ACBD6: variants seen among roughly 807,000 people sequenced by gnomAD.
ACBD6 encodes acyl-CoA-binding domain-containing protein 6.
ACBD6 carries 28 observed loss-of-function variants against 37.2 expected under a neutral mutation model. The ratio of observed to expected loss-of-function variants is 0.75; its 90% CI spans 0.56 to 1.03. The LOEUF (loss-of-function observed/expected upper bound fraction) is 1.03. Ranked by LOEUF, ACBD6 falls within the 50% of genes least tolerant of loss-of-function variation. ACBD6 has a pLI of 0.00. For missense variants in ACBD6, 340 were observed against 337.4 expected (o/e 1.01, Z -0.06); for synonymous variants, 113 against 126.8 (o/e 0.89, Z 0.73).
At chr1:180,486,187 A>G (rs1234653970) in intron 3 of ACBD6, among the ~76,000 whole-genome samples, 2 of 152,140 alleles carry the variant, frequency 1.3e-5, no homozygotes, top group Non-Finnish European at 1.5e-5. Flanking sequence ...CCTGACAACA[A>G]TCAGGCTTGC....
intron 5 of ACBD6, among the ~76,000 whole-genome samples, chr1:180,400,933 A>G (rs1042236625): frequency 1.3e-5 from 2 of 152,214 alleles, no homozygotes; most frequent in African/African-American, 4.8e-5. Context: ...CTAAGACTTT[A>G]TCTAAATTTA....
intron 3 of ACBD6, among the ~76,000 whole-genome samples, chr1:180,463,527 G>A (rs919777189): frequency 1.3e-5 from 2 of 151,948 alleles, no homozygotes; most frequent in East Asian, 1.9e-4. Context: ...TCCCTAAAAA[G>A]ACGAATAACG....
chr1:180,433,719 G>C (rs950351194), intron 3 of ACBD6, among the ~76,000 whole-genome samples: 1 of 151,942 alleles, frequency 6.6e-6, no homozygotes, highest in Non-Finnish European at 1.5e-5. Flanking sequence ...ACAGTCTTTC[G>C]TTACATAATT....
intron 6 of ACBD6, among the ~76,000 whole-genome samples, chr1:180,382,524 T>C (rs1003851199): frequency 1.3e-5 from 2 of 152,090 alleles, no homozygotes; most frequent in Non-Finnish European, 2.9e-5. Context: ...AAAACCTGAA[T>C]AGACCAACAG....
chr1:180,453,212 T>C (rs1376600066), intron 3 of ACBD6, among the ~76,000 whole-genome samples: 1 of 152,192 alleles, frequency 6.6e-6, no homozygotes, highest in Non-Finnish European at 1.5e-5. Context: ...AAAAAGCTTA[T>C]CCACCACGAT....
rs1310092881 is a variant in ACBD6 at position 180,502,386 on chromosome 1, A to C, written c.-120T>G. ...CGAGCCTGAGCTCCAGTCGGACCCA[A>C]GCTCAGTCGCGGCGCGCTCCCTCAC... On this transcript the variant is annotated 5_prime_UTR_variant, in exon 1 of 8. Coordinates refer to ENST00000367595, the MANE Select transcript of ACBD6 (RefSeq NM_032360.4). The C allele has an allele frequency of 4.4e-6, 5 of 1,137,436 alleles. No individual in the cohort carries two copies. The highest frequency in any genetic ancestry group is 5.1e-5 in the East Asian group (2 of 39,304). The allele number at this position is 1,137,436 out of a possible 1,614,324, so 70.5% of individuals were successfully genotyped here.
intron 3 of ACBD6, among the ~76,000 whole-genome samples, chr1:180,485,582 G>A (rs1456012717): frequency 2.0e-5 from 3 of 152,192 alleles, no homozygotes; most frequent in African/African-American, 2.4e-5. Context: ...GCTGGAAGAG[G>A]CAAGAAATGA....
chr1:180,383,577 T>G (rs1217978913), intron 6 of ACBD6, among the ~76,000 whole-genome samples: 1 of 152,162 alleles, frequency 6.6e-6, no homozygotes, highest in Non-Finnish European at 1.5e-5. Flanking sequence ...AAGAATACTG[T>G]TTAAATGACC....
chr1:180,335,251 C>T (rs962036727), intron 6 of ACBD6, among the ~76,000 whole-genome samples: 15 of 152,076 alleles, frequency 9.9e-5, no homozygotes, highest in African/African-American at 2.2e-4. Context: ...ATGTTAAGGG[C>T]GGCCAGAGAG....
At chr1:180,435,674 T>C (rs1649005939) in intron 3 of ACBD6, 1 of 921,058 alleles carries the variant, frequency 1.1e-6, no homozygotes, top group Non-Finnish European at 1.8e-6. Flanking sequence ...CAGCTCCATT[T>C]ACCAGAAGGT....
chr1:180,385,899 A>ATGGC (rs1284243302), intron 6 of ACBD6, among the ~76,000 whole-genome samples: 1 of 152,148 alleles, frequency 6.6e-6, no homozygotes, highest in East Asian at 1.9e-4. Context: ...GCTGGGCGCA[A>ATGGC]TGGCTCACAC....
intron 6 of ACBD6, among the ~76,000 whole-genome samples, chr1:180,387,223 T>C (rs954342753): frequency 1.3e-5 from 2 of 152,192 alleles, no homozygotes; most frequent in Non-Finnish European, 2.9e-5. Flanking sequence ...ATGTTAATTT[T>C]GGTCAGTATA....
intron 3 of ACBD6, among the ~76,000 whole-genome samples, chr1:180,481,245 AT>A (rs55810683): frequency 1.2e-3 from 183 of 147,362 alleles, no homozygotes; most frequent in African/African-American, 3.7e-3. Context: ...CTTGTTTTTG[AT>A]TTTTTTTTTT....
At chr1:180,304,224 C>G (rs920487725) in intron 7 of ACBD6, among the ~76,000 whole-genome samples, 22 of 150,600 alleles carry the variant, frequency 1.5e-4, no homozygotes, top group African/African-American at 5.3e-4. Context: ...TCTCACCACT[C>G]CTATTCAACA....
intron 3 of ACBD6, among the ~76,000 whole-genome samples, chr1:180,431,060 TATTTA>T (rs1648793346): frequency 1.3e-5 from 2 of 152,182 alleles, no homozygotes; most frequent in African/African-American, 4.8e-5. Context: ...ATTACATTAT[TATTTA>T]ATTTGACTGC....
intron 4 of ACBD6, among the ~76,000 whole-genome samples, chr1:180,423,028 G>A (rs1214422912): frequency 1.3e-5 from 2 of 151,980 alleles, no homozygotes; most frequent in African/African-American, 4.8e-5. Context: ...GTGTTTATGT[G>A]CCTACATTGT....
At chr1:180,491,307 A>C (rs1229300850) in intron 3 of ACBD6, among the ~76,000 whole-genome samples, 1 of 152,212 alleles carries the variant, frequency 6.6e-6, no homozygotes, top group Non-Finnish European at 1.5e-5. Flanking sequence ...GGTACAATGC[A>C]ACCTCTATCT....
chr1:180,455,417 T>A (rs1461211159), intron 3 of ACBD6, among the ~76,000 whole-genome samples: 1 of 152,086 alleles, frequency 6.6e-6, no homozygotes, highest in African/African-American at 2.4e-5. Context: ...AAATATCTAA[T>A]GTTGATGATG....
At chr1:180,447,302 C>A (rs369355549) in intron 3 of ACBD6, among the ~76,000 whole-genome samples, 232 of 152,010 alleles carry the variant, frequency 1.5e-3, no homozygotes, top group African/African-American at 5.3e-3. Context: ...ACACTTTACA[C>A]CACAGAAATA....
Sources: gnomAD v4.1 joint callset for allele counts (sites outside exome capture counted in the v4.1 genomes callset) on GRCh38, gnomAD v4.1.1 for gene constraint, MANE v1.5 for transcripts, NCBI Gene and HGNC (gene_info 2026-07-23, HGNC 2026-07-21) for gene names.